SYN3: variants seen among roughly 807,000 people sequenced by gnomAD.
The protein encoded by SYN3 is synapsin-3.
Under a neutral mutation model 65.8 loss-of-function variants are expected in SYN3, and 35 were observed. The observed-to-expected ratio is 0.53, with a 90% CI of 0.41 to 0.70. The LOEUF (loss-of-function observed/expected upper bound fraction) is 0.70, where lower values mean the gene tolerates loss of function less well. SYN3 is among the 30% of genes least tolerant of loss of function. SYN3 has a pLI of 0.00. For synonymous variants in SYN3, 270 were observed against 292.9 expected (o/e 0.92, Z 0.80); for missense variants, 680 against 749.0 (o/e 0.91, Z 1.08).
chr22:32,673,615 G>C (rs1306114032), intron 6 of SYN3, among the ~76,000 whole-genome samples: 1 of 152,230 alleles, frequency 6.6e-6, no homozygotes, highest in African/African-American at 2.4e-5. Context: ...GACTTGAAGA[G>C]CCAGGGATGG....
intron 4 of SYN3, among the ~76,000 whole-genome samples, chr22:32,890,350 CAG>C (rs1297997856): frequency 6.6e-6 from 1 of 152,058 alleles, no homozygotes; most frequent in African/African-American, 2.4e-5. Flanking sequence ...GCTGGGGTTA[CAG>C]GTTTGAGCCA....
chr22:32,537,489 T>C (rs2058185431), intron 9 of SYN3, among the ~76,000 whole-genome samples: 1 of 152,098 alleles, frequency 6.6e-6, no homozygotes, highest in South Asian at 2.1e-4. Context: ...TGGCACACAG[T>C]GTCTAAAGGG....
chr22:32,812,239 A>T (rs1022305163), intron 6 of SYN3, among the ~76,000 whole-genome samples: 20 of 152,212 alleles, frequency 1.3e-4, no homozygotes, highest in African/African-American at 4.6e-4. Context: ...CAGCACCTAA[A>T]TCTGTCAACC....
chr22:32,751,918 CATGTTCTG>C (rs1479932117), intron 6 of SYN3, among the ~76,000 whole-genome samples: 1 of 152,144 alleles, frequency 6.6e-6, no homozygotes, highest in Non-Finnish European at 1.5e-5. Context: ...GTGCTTTATG[CATGTTCTG>C]ATGTTTTAAA....
chr22:32,980,694 T>C lies in SYN3; in HGVS notation c.320A>G (p.Tyr107Cys). The C allele has an allele frequency of 6.2e-7, 1 of 1,613,930 alleles. No homozygotes were observed. Among genetic ancestry groups the C allele is most frequent in the Middle Eastern group, 1.7e-4 (1 of 6,060 alleles). ...TCCATTCACCTTCTTCCCATGGAAA[T>C]ACTTCGACCTGTAAAGGGGAAGAAA... The part of the protein sequence containing the change: ...IDDAHTDWSK[Y>C]FHGKKVNGEI... The change falls in exon 3 of 14, where the codon TAT becomes TGT. Residue 107 changes from tyrosine (Y) to cysteine (C), a missense_variant. Physicochemically the swap from Tyr to Cys is radical, Grantham distance 194 (BLOSUM62 -2). Coordinates refer to ENST00000358763, the MANE Select transcript of SYN3 (RefSeq NM_003490.4).
chr22:33,006,811 C>A lies in SYN3; in HGVS notation c.-149G>T. ...CGCAACCAGCAGTCAGCTTTAGCTG[C>A]CTTTATTTACCTGCTGGAAATAAGC... is the stretch of plus-strand genomic sequence containing the variant. On this transcript the variant is annotated 5_prime_UTR_variant, in exon 2 of 14. Transcript: ENST00000358763. The A allele has an allele frequency of 1.6e-6, 1 of 642,984 alleles. No individual in the cohort carries two copies. Among genetic ancestry groups the A allele is most frequent in the East Asian group, 2.8e-5 (1 of 36,284 alleles). 39.8% of individuals were successfully genotyped at this position (642,984 alleles called of 1,614,324 possible). A position where few individuals can be genotyped will look rare whatever the true frequency, so the allele number is the denominator to read the frequency against.
Position 32,980,712 on chromosome 22 carries a change from G to C in SYN3, c.312-10C>G. ...ATGGAAATACTTCGACCTGTAAAGG[G>C]GAAGAAATCAGCTGAGTAAGGATGC... is the stretch of plus-strand genomic sequence containing the variant. On this transcript the variant is annotated splice_polypyrimidine_tract_variant and intron_variant, in intron 2 of 13. Coordinates refer to ENST00000358763, the MANE Select transcript of SYN3 (RefSeq NM_003490.4). 1 of 1,613,608 alleles carries C rather than the reference G, an allele frequency of 6.2e-7. No homozygotes were observed.
intron 6 of SYN3, among the ~76,000 whole-genome samples, chr22:32,784,261 C>T (rs779838512): frequency 2.6e-5 from 4 of 152,098 alleles, no homozygotes; most frequent in Non-Finnish European, 4.4e-5. Flanking sequence ...TAGAACATGG[C>T]GCAGGTGACA....
chr22:33,015,513 A>G (rs1183710453), intron 1 of SYN3: 3 of 180,158 alleles, frequency 1.7e-5, no homozygotes, highest in African/African-American at 7.1e-5. Flanking sequence ...CTGTTTCTGT[A>G]CACCAGCTAT....
At chr22:32,788,242 T>TA (rs34240483) in intron 6 of SYN3, among the ~76,000 whole-genome samples, 53,158 of 151,552 alleles carry the variant, frequency 0.35, 9,654 homozygotes, top group East Asian at 0.51. Flanking sequence ...ACGACTATAT[T>TA]AAAAAAAACA....
intron 1 of SYN3, among the ~76,000 whole-genome samples, chr22:33,008,814 ACTGGGGAG>A (rs2145810729): frequency 6.6e-6 from 1 of 151,906 alleles, no homozygotes; most frequent in East Asian, 1.9e-4. Context: ...ACGCCCAGCT[ACTGGGGAG>A]GCTGAGGCAC....
At chr22:32,753,604 C>A (rs1024702361) in intron 6 of SYN3, among the ~76,000 whole-genome samples, 14 of 152,256 alleles carry the variant, frequency 9.2e-5, no homozygotes, top group African/African-American at 3.4e-4. Flanking sequence ...GAGGTTTCCA[C>A]CACCCTTTCA....
At chr22:32,692,471 A>AGCAT (rs1207372217) in intron 6 of SYN3, among the ~76,000 whole-genome samples, 1 of 152,212 alleles carries the variant, frequency 6.6e-6, no homozygotes, top group Non-Finnish European at 1.5e-5. Context: ...CGTGTTTATT[A>AGCAT]GCATGCATTC....
At chr22:32,620,282 G>T (rs1192943144) in intron 6 of SYN3, among the ~76,000 whole-genome samples, 2 of 152,114 alleles carry the variant, frequency 1.3e-5, no homozygotes, top group Non-Finnish European at 2.9e-5. Flanking sequence ...TGCCTTCAGG[G>T]GCTTTGAGTG....
chr22:32,908,883 C>T (rs2049973822), intron 4 of SYN3, among the ~76,000 whole-genome samples: 1 of 152,070 alleles, frequency 6.6e-6, no homozygotes. Context: ...TTAAGACATC[C>T]TAAAAAACCC....
intron 6 of SYN3, among the ~76,000 whole-genome samples, chr22:32,824,133 C>A (rs2047335078): frequency 6.6e-6 from 1 of 151,938 alleles, no homozygotes. Context: ...AAAAAATTAA[C>A]CAGGTGTGGT....
At chr22:32,928,693 C>T (rs1279336124) in intron 4 of SYN3, among the ~76,000 whole-genome samples, 2 of 152,112 alleles carry the variant, frequency 1.3e-5, no homozygotes, top group Admixed American at 6.5e-5. Context: ...CAAGCTTCTG[C>T]TTTCGGTGGT....
At chr22:32,628,454 G>A (rs1420983994) in intron 6 of SYN3, among the ~76,000 whole-genome samples, 1 of 152,264 alleles carries the variant, frequency 6.6e-6, no homozygotes, top group Non-Finnish European at 1.5e-5. Context: ...TCCTGCCTGG[G>A]GATTTCTCTA....
rs375974481 is a variant in SYN3, at chr22:32,508,494, G to C, written c.*5198C>G. Among the ~76,000 whole-genome samples, 8 of 152,234 alleles carry C rather than the reference G, an allele frequency of 5.3e-5. No individual in the cohort carries two copies. The East Asian group carries it at 1.5e-3, about 29-fold the overall frequency. ...TGTTTAGTGGTCTCTTCACACAGAC[G>C]CGCATGAAAGGGGCCCCAAGGAGAG... On this transcript the variant is annotated 3_prime_UTR_variant, in exon 14 of 14. Coordinates refer to ENST00000358763, the MANE Select transcript of SYN3 (RefSeq NM_003490.4).
Sources: allele counts gnomAD v4.1 joint callset (sites outside exome capture counted in the v4.1 genomes callset), GRCh38; gene constraint gnomAD v4.1.1; transcripts MANE v1.5; gene names NCBI Gene and HGNC (gene_info 2026-07-23, HGNC 2026-07-21).